Variants in PDE3A observed in about 807,000 individuals in gnomAD.
PDE3A encodes the protein cGMP-inhibited 3',5'-cyclic phosphodiesterase 3A.
A neutral mutation model predicts 98.3 loss-of-function variants in PDE3A; 43 were observed. The ratio of observed to expected loss-of-function variants is 0.44; its 90% CI spans 0.34 to 0.56. The LOEUF (loss-of-function observed/expected upper bound fraction) is 0.56. PDE3A is among the 20% of genes least tolerant of loss of function. The pLI is 0.01. For synonymous variants in PDE3A, 663 were observed against 567.9 expected (o/e 1.17, Z -2.38); for missense variants, 1,427 against 1,440.7 (o/e 0.99, Z 0.15).
intron 1 of PDE3A, among the ~76,000 whole-genome samples, chr12:20,493,715 C>T (rs1228462601): frequency 1.3e-5 from 2 of 152,168 alleles, no homozygotes; most frequent in Non-Finnish European, 2.9e-5. Context: ...ACCGCAGCCT[C>T]CGACTCCCAG....
intron 3 of PDE3A, among the ~76,000 whole-genome samples, chr12:20,615,604 G>T (rs1185377542): frequency 6.6e-6 from 1 of 152,088 alleles, no homozygotes; most frequent in African/African-American, 2.4e-5. Context: ...GTGTGTATAG[G>T]TGTGTAAATC....
chr12:20,650,408 C>G (rs1386599827), intron 13 of PDE3A, 37 bp from the exon 14 acceptor site: 6 of 1,460,764 alleles, frequency 4.1e-6, no homozygotes, highest in African/African-American at 1.4e-5. Flanking sequence ...TTGTTTTTAT[C>G]AAAGCAAAAC....
At chr12:20,455,029 C>G (rs1392221477) in intron 1 of PDE3A, among the ~76,000 whole-genome samples, 1 of 152,118 alleles carries the variant, frequency 6.6e-6, no homozygotes, top group Non-Finnish European at 1.5e-5. Flanking sequence ...CTGTTTTTAG[C>G]TCTTTGTGGA....
At chr12:20,420,967 C>T (rs1222943032) in intron 1 of PDE3A, among the ~76,000 whole-genome samples, 2 of 152,088 alleles carry the variant, frequency 1.3e-5, no homozygotes, top group Admixed American at 6.6e-5. Context: ...CATATTGTCC[C>T]ATTTGGCAGA....
At chr12:20,548,984 A>G (rs1297128675) in intron 1 of PDE3A, among the ~76,000 whole-genome samples, 1 of 152,028 alleles carries the variant, frequency 6.6e-6, no homozygotes, top group Admixed American at 6.6e-5. Flanking sequence ...TATTTGTTGT[A>G]ATCACACATC....
chr12:20,648,929 T>TC, intron 13 of PDE3A, 38 bp downstream of exon 13: 2 of 924,614 alleles, frequency 2.2e-6, no homozygotes, highest in Non-Finnish European at 1.5e-6. Flanking sequence ...TTCTTTTTCT[T>TC]TTTTTTTTTT....
chr12:20,629,755 CT>C (rs1944340839), intron 5 of PDE3A, among the ~76,000 whole-genome samples, 152 bp from the exon 6 acceptor site: 1 of 152,224 alleles, frequency 6.6e-6, no homozygotes, highest in African/African-American at 2.4e-5. Flanking sequence ...ACCACACTGG[CT>C]TCAGATGTTG....
intron 2 of PDE3A, among the ~76,000 whole-genome samples, chr12:20,600,323 G>A (rs1255320432): frequency 6.6e-6 from 1 of 152,106 alleles, no homozygotes; most frequent in Admixed American, 6.6e-5. Flanking sequence ...AAGACTCTTA[G>A]CTACGTATCT....
intron 1 of PDE3A, among the ~76,000 whole-genome samples, chr12:20,470,843 G>A (rs560675515): frequency 6.6e-6 from 1 of 152,030 alleles, no homozygotes; most frequent in Non-Finnish European, 1.5e-5. Flanking sequence ...AGGGGCCTTT[G>A]GCAGGCAGTT....
chr12:20,413,906 C>A (rs996622075), intron 1 of PDE3A, among the ~76,000 whole-genome samples: 1 of 152,034 alleles, frequency 6.6e-6, no homozygotes, highest in Non-Finnish European at 1.5e-5. Flanking sequence ...ACTTTAGAGA[C>A]GTTTAGTAAT....
chr12:20,561,500 A>C, intron 2 of PDE3A, among the ~76,000 whole-genome samples: 1 of 152,202 alleles, frequency 6.6e-6, no homozygotes, highest in Admixed American at 6.5e-5. Context: ...TGAGTGTGCT[A>C]GCCTGCAAGA....
chr12:20,570,439 G>T lies in PDE3A; in HGVS notation c.1011+13729G>T, dbSNP rs1162933828. ...AAAAAAAAAAAAAAAAAAAAAAAAAGGTGTAAAGGGAGTGAAATTTTTCTC... is the reference window on the plus strand; with the variant it reads ...AAAAAAAAAAAAAAAAAAAAAAAAATGTGTAAAGGGAGTGAAATTTTTCTC... On this transcript the variant is annotated intron_variant, in intron 2 of 15. Coordinates refer to ENST00000359062, the MANE Select transcript of PDE3A (RefSeq NM_000921.5). 1.5e-4 allele frequency among the ~76,000 whole-genome samples: 11 copies of T among 71,742 alleles called. No individual in the cohort carries two copies. The South Asian group carries it at 2.1e-3, about 14-fold the overall frequency. 47.1% of individuals were successfully genotyped at this position (71,742 alleles called of 152,430 possible).
chr12:20,539,294 AT>A (rs923012290), intron 1 of PDE3A, among the ~76,000 whole-genome samples: 1 of 152,124 alleles, frequency 6.6e-6, no homozygotes, highest in African/African-American at 2.4e-5. Context: ...AATTTTATAC[AT>A]TTTTTAAATT....
intron 15 of PDE3A, among the ~76,000 whole-genome samples, chr12:20,657,057 A>G (rs1006344673): frequency 6.6e-6 from 1 of 152,218 alleles, no homozygotes; most frequent in Admixed American, 6.5e-5. Context: ...CAATTTAAAA[A>G]TATCCCATCC....
chr12:20,644,890 T>C (rs1294578339), intron 10 of PDE3A, among the ~76,000 whole-genome samples: 1 of 73,524 alleles, frequency 1.4e-5, no homozygotes, highest in African/African-American at 4.9e-5. Context: ...TCTTCTTCCT[T>C]CTTTTTTTTT....
At chr12:20,488,332 T>C (rs1201438559) in intron 1 of PDE3A, among the ~76,000 whole-genome samples, 1 of 152,184 alleles carries the variant, frequency 6.6e-6, no homozygotes, top group Non-Finnish European at 1.5e-5. Context: ...CATATGACAG[T>C]GTTGTTCAGT....
intron 3 of PDE3A, among the ~76,000 whole-genome samples, chr12:20,614,696 A>T (rs1032884523): frequency 1.3e-5 from 2 of 152,210 alleles, no homozygotes; most frequent in Non-Finnish European, 2.9e-5. Flanking sequence ...CTGGTATTTA[A>T]GAGTGTTTGA....
chr12:20,628,743 CA>C (rs1248133390), intron 5 of PDE3A, among the ~76,000 whole-genome samples: 2 of 152,066 alleles, frequency 1.3e-5, no homozygotes, highest in Admixed American at 6.6e-5. Flanking sequence ...ACAACAACGA[CA>C]AAAAGAAATA....
chr12:20,687,397 T>C lies in PDE3A; in HGVS notation c.*7126T>C, dbSNP rs1217037090. Among the ~76,000 whole-genome samples, 4 of 152,224 alleles carry C rather than the reference T, an allele frequency of 2.6e-5. No individual in the cohort carries two copies. The East Asian group carries it at 7.7e-4, about 29-fold the overall frequency. On this transcript the variant is annotated 3_prime_UTR_variant, in exon 16 of 16. Transcript: ENST00000359062. The stretch of plus-strand genomic sequence containing the variant: ...TACCTGTTAGTGAGGTTTTAATGGC[T>C]TTACTTAATACATATTTGTTCATCA...
Sources: gnomAD v4.1 joint callset for allele counts (sites outside exome capture counted in the v4.1 genomes callset) on GRCh38, gnomAD v4.1.1 for gene constraint, MANE v1.5 for transcripts, NCBI Gene and HGNC (gene_info 2026-07-23, HGNC 2026-07-21) for gene names.